SLC20A2: variants seen among roughly 807,000 people sequenced by gnomAD.
SLC20A2 encodes sodium-dependent phosphate transporter 2.
In SLC20A2, 30 loss-of-function variants were observed where a neutral mutation model predicts 61.0. The observed-to-expected ratio is 0.49, with a 90% confidence interval of 0.37 to 0.67. The LOEUF (loss-of-function observed/expected upper bound fraction) is 0.67. Ranked by LOEUF, SLC20A2 falls within the 30% of genes least tolerant of loss-of-function variation. SLC20A2 has a pLI of 0.00. For synonymous variants in SLC20A2, 351 were observed against 353.3 expected, an observed-to-expected ratio of 0.99 and a Z score of 0.07; for missense variants, 626 against 866.4, an observed-to-expected ratio of 0.72 and a Z score of 3.48.
At chr8:42,467,107 A>T (rs1217668037) in intron 2 of SLC20A2, among the ~76,000 whole-genome samples, 2 of 152,170 alleles carry the variant, frequency 1.3e-5, no homozygotes, top group African/African-American at 4.8e-5. Flanking sequence ...GCAGTGAGCC[A>T]CTGCACCCAG....
chr8:42,455,255 TATAGAGAGAGAGAG>T (rs1220246103), intron 5 of SLC20A2, among the ~76,000 whole-genome samples: 2,674 of 96,942 alleles, frequency 0.028, 48 homozygotes, highest in Non-Finnish European at 0.042. Context: ...TATATATATA[TATAGAGAGAGAGAG>T]AGAGAGAGAG....
intron 1 of SLC20A2, among the ~76,000 whole-genome samples, chr8:42,523,160 G>T (rs540097252): frequency 2.0e-5 from 3 of 152,030 alleles, no homozygotes; most frequent in African/African-American, 4.8e-5. Flanking sequence ...GTGAAACCCC[G>T]TCTCTACTAA....
intron 1 of SLC20A2, among the ~76,000 whole-genome samples, chr8:42,479,319 A>G (rs1276438709): frequency 8.5e-5 from 13 of 152,188 alleles, no homozygotes; most frequent in Non-Finnish European, 1.2e-4. Flanking sequence ...CAAGAGCTGC[A>G]AGGACGTCAC....
chr8:42,422,563 T>A (rs553880597), intron 10 of SLC20A2, among the ~76,000 whole-genome samples: 201 of 152,278 alleles, frequency 1.3e-3, no homozygotes, highest in African/African-American at 4.5e-3. Flanking sequence ...AGCTGGGTTT[T>A]TTTTTGTTTA....
At chr8:42,526,592 G>C (rs1237254022) in intron 1 of SLC20A2, among the ~76,000 whole-genome samples, 1 of 150,480 alleles carries the variant, frequency 6.6e-6, no homozygotes, top group Non-Finnish European at 1.5e-5. Flanking sequence ...AGAATGGCGT[G>C]AACCCAGGAG....
intron 8 of SLC20A2, among the ~76,000 whole-genome samples, chr8:42,431,343 C>CA (rs147012150): frequency 0.048 from 7,254 of 152,280 alleles, 352 homozygotes; most frequent in African/African-American, 0.12. Flanking sequence ...TCCCTTAAGT[C>CA]AAAGCCTAAT....
At chr8:42,445,408 T>C (rs1805133135) in intron 5 of SLC20A2, among the ~76,000 whole-genome samples, 1 of 152,160 alleles carries the variant, frequency 6.6e-6, no homozygotes, top group South Asian at 2.1e-4. Context: ...TCTAAATGGC[T>C]GCACAACAAA....
At chr8:42,454,297 C>G (rs568289308) in intron 5 of SLC20A2, among the ~76,000 whole-genome samples, 1 of 152,198 alleles carries the variant, frequency 6.6e-6, no homozygotes, top group Admixed American at 6.5e-5. Flanking sequence ...CCACCGCGCC[C>G]GGCCGAATTT....
intron 6 of SLC20A2, 66 bp downstream of exon 6, chr8:42,444,580 T>C (rs1805051470): frequency 1.7e-6 from 2 of 1,162,072 alleles, no homozygotes. Context: ...GATCATGGCA[T>C]GTTACATGTG....
intron 9 of SLC20A2, 115 bp from the exon 10 acceptor site, chr8:42,428,957 T>C: frequency 1.3e-6 from 1 of 749,962 alleles, no homozygotes; most frequent in Non-Finnish European, 2.1e-6. Context: ...GACTGCTGAC[T>C]GGGCAAGATC....
intron 1 of SLC20A2, among the ~76,000 whole-genome samples, chr8:42,523,728 T>C (rs1473780958): frequency 4.6e-5 from 7 of 152,172 alleles, no homozygotes. Context: ...ACATGTTGGT[T>C]TTCTTAGAAG....
intron 9 of SLC20A2, among the ~76,000 whole-genome samples, chr8:42,429,642 G>C (rs987940337): frequency 6.6e-6 from 1 of 152,222 alleles, no homozygotes. Flanking sequence ...GTCTGGCAGA[G>C]CAAGAGGAAA....
At chr8:42,484,769 AGCTAAAGGCT>A (rs1332652865) in intron 1 of SLC20A2, 3 of 335,784 alleles carry the variant, frequency 8.9e-6, no homozygotes, top group African/African-American at 4.4e-5. Flanking sequence ...GCAGCCAGGC[AGCTAAAGGCT>A]GCTCCCATAT....
upstream of SLC20A2, among the ~76,000 whole-genome samples, chr8:42,505,426 C>T (rs1338429670): frequency 6.6e-6 from 1 of 152,152 alleles, no homozygotes; most frequent in Non-Finnish European, 1.5e-5. Context: ...AGCCACCATG[C>T]CTGACCCCTC....
intron 1 of SLC20A2, among the ~76,000 whole-genome samples, chr8:42,520,005 A>C (rs915398895): frequency 7.9e-6 from 1 of 126,916 alleles, no homozygotes; most frequent in South Asian, 2.7e-4. Context: ...TCTTTATGCT[A>C]ATCTTTTTTT....
chr8:42,506,178 C>T (rs1161627017), upstream of SLC20A2, among the ~76,000 whole-genome samples: 2 of 152,102 alleles, frequency 1.3e-5, no homozygotes, highest in Non-Finnish European at 2.9e-5. Context: ...TGACCTCAGG[C>T]ATCCATCCAC....
chr8:42,524,812 A>C lies in SLC20A2; in HGVS notation c.-265+17009T>G, dbSNP rs544435463. Among the ~76,000 whole-genome samples, 163 of 128,434 alleles carry C rather than the reference A, an allele frequency of 1.3e-3. 1 individual carries two copies. Among genetic ancestry groups the C allele is most frequent in the Non-Finnish European group, 2.7e-4 (16 of 59,034 alleles). 84.3% of individuals were successfully genotyped at this position (128,434 alleles called of 152,430 possible). A position where few individuals can be genotyped will look rare whatever the true frequency, so the allele number is the denominator to read the frequency against. On this transcript the variant is annotated intron_variant, in intron 1 of 10. Coordinates refer to the SLC20A2 transcript ENST00000342228. ...AAATAAATAAATAAATAAATAAATA[A>C]AAATAAAAATAAAATATACCCATGT...
Position 42,459,882 on chromosome 8 carries a change from C to A in SLC20A2, c.613+14G>T, listed in dbSNP as rs1371659725. On this transcript the variant is annotated intron_variant, in intron 5 of 10. Transcript: ENST00000520262. ...GCACTTTGCCCCTGGAGTATGCTTCCAAGGGATCCTTACCTGGTGCTCCTG... is the reference window on the plus strand; with the variant it reads ...GCACTTTGCCCCTGGAGTATGCTTCAAAGGGATCCTTACCTGGTGCTCCTG... The A allele has an allele frequency of 6.3e-7, 1 of 1,582,124 alleles. No homozygotes were observed. The highest frequency in any genetic ancestry group is 8.7e-7 in the Non-Finnish European group (1 of 1,152,728).
At chr8:42,421,009 G>A (rs1803000997) in intron 10 of SLC20A2, among the ~76,000 whole-genome samples, 1 of 151,986 alleles carries the variant, frequency 6.6e-6, no homozygotes, top group Non-Finnish European at 1.5e-5. Context: ...GTATTCTTTA[G>A]TCTCGTTTTG....
Sources: gnomAD v4.1 joint callset for allele counts (sites outside exome capture counted in the v4.1 genomes callset) on GRCh38, gnomAD v4.1.1 for gene constraint, MANE v1.5 for transcripts, NCBI Gene and HGNC (gene_info 2026-07-23, HGNC 2026-07-21) for gene names.